ENAH: variants seen among roughly 807,000 people sequenced by gnomAD.
ENAH encodes the protein protein enabled homolog.
In ENAH, 23 loss-of-function variants were observed where a neutral mutation model predicts 78.7. The observed-to-expected ratio is 0.29, with a 90% confidence interval of 0.21 to 0.41. The LOEUF is 0.41. ENAH is among the 10% of genes least tolerant of loss of function. The pLI is 1.00. For synonymous variants in ENAH, 226 were observed against 241.0 expected (o/e 0.94, Z 0.58); for missense variants, 544 against 691.0 (o/e 0.79, Z 2.39).
At chr1:225,579,244 T>G (rs1575594252) in intron 1 of ENAH, among the ~76,000 whole-genome samples, 1 of 152,246 alleles carries the variant, frequency 6.6e-6, no homozygotes, top group African/African-American at 2.4e-5. Context: ...CTATATTAGT[T>G]CCACAAAATT....
chr1:225,634,644 T>C (rs902636978), intron 1 of ENAH, among the ~76,000 whole-genome samples: 4 of 152,228 alleles, frequency 2.6e-5, no homozygotes, highest in African/African-American at 7.2e-5. Flanking sequence ...GCGAATATCA[T>C]TTCCCTAGTG....
intron 1 of ENAH, among the ~76,000 whole-genome samples, chr1:225,588,482 T>C (rs1462227241): frequency 6.6e-6 from 1 of 152,068 alleles, no homozygotes; most frequent in African/African-American, 2.4e-5. Flanking sequence ...CACACAGCAA[T>C]GGTGAGAGTA....
chr1:225,576,705 G>C (rs1249395023), intron 1 of ENAH, among the ~76,000 whole-genome samples: 2 of 152,186 alleles, frequency 1.3e-5, no homozygotes, highest in Non-Finnish European at 2.9e-5. Flanking sequence ...CACCATAGGA[G>C]CAAGCACACA....
At chr1:225,560,031 G>A (rs2096692511) in intron 2 of ENAH, among the ~76,000 whole-genome samples, 4 of 152,150 alleles carry the variant, frequency 2.6e-5, no homozygotes, top group South Asian at 2.1e-4. Context: ...TCTGTAACTT[G>A]GCCAAAGGAG....
chr1:225,574,962 C>T (rs958667000), intron 1 of ENAH, among the ~76,000 whole-genome samples: 19 of 150,560 alleles, frequency 1.3e-4, no homozygotes, highest in Non-Finnish European at 1.2e-4. Context: ...CATTCAGATA[C>T]GAATAATAAA....
At chr1:225,604,528 A>T (rs550613730) in intron 1 of ENAH, among the ~76,000 whole-genome samples, 2 of 152,154 alleles carry the variant, frequency 1.3e-5, no homozygotes, top group African/African-American at 4.8e-5. Flanking sequence ...TCACGCCTGT[A>T]ATCTCAGCAC....
intron 1 of ENAH, chr1:225,652,218 A>C: frequency 1.8e-6 from 1 of 557,578 alleles, no homozygotes; most frequent in Non-Finnish European, 2.3e-6. Flanking sequence ...TATTACCCGC[A>C]GAGATTTCAG....
chr1:225,530,349 C>A (rs950382957), intron 4 of ENAH, among the ~76,000 whole-genome samples: 2 of 151,708 alleles, frequency 1.3e-5, no homozygotes, highest in Non-Finnish European at 2.9e-5. Flanking sequence ...CAAAAAAAAA[C>A]ACATATGAAA....
intron 3 of ENAH, 147 bp downstream of exon 3, chr1:225,554,759 A>G (rs1289693233): frequency 1.7e-6 from 1 of 591,724 alleles, no homozygotes; most frequent in South Asian, 6.1e-5. Flanking sequence ...TTCAAAAACT[A>G]CTTCAAATAT....
chr1:225,595,526 G>T (rs2096898356), intron 1 of ENAH, among the ~76,000 whole-genome samples: 1 of 152,086 alleles, frequency 6.6e-6, no homozygotes, highest in African/African-American at 2.4e-5. Context: ...ATAGTTAGGT[G>T]CCTAAAACAA....
chr1:225,605,287 T>G (rs1350407511), intron 1 of ENAH, among the ~76,000 whole-genome samples: 1 of 152,146 alleles, frequency 6.6e-6, no homozygotes, highest in African/African-American at 2.4e-5. Context: ...AAACACTACT[T>G]TGGGGAGTGG....
intron 1 of ENAH, among the ~76,000 whole-genome samples, chr1:225,642,348 G>A (rs574929060): frequency 1.8e-3 from 275 of 152,218 alleles, no homozygotes; most frequent in Admixed American, 4.1e-3. Context: ...TTTGGCCAAA[G>A]AAACATAAGC....
intron 1 of ENAH, among the ~76,000 whole-genome samples, chr1:225,639,177 A>C (rs370783506): frequency 6.6e-6 from 1 of 152,202 alleles, no homozygotes; most frequent in East Asian, 1.9e-4. Context: ...GAAAAAAATG[A>C]GTATTTGGAA....
chr1:225,632,193 C>T (rs1358079902), intron 1 of ENAH, among the ~76,000 whole-genome samples: 1 of 152,080 alleles, frequency 6.6e-6, no homozygotes, highest in Non-Finnish European at 1.5e-5. Context: ...ATAGAGAAAA[C>T]ATCTATGTAG....
chr1:225,628,558 C>T (rs1658367617), intron 1 of ENAH, among the ~76,000 whole-genome samples: 1 of 151,944 alleles, frequency 6.6e-6, no homozygotes, highest in African/African-American at 2.4e-5. Context: ...AAAAATGTAT[C>T]AAGTATAATC....
At chr1:225,597,323 C>A (rs899248472) in intron 1 of ENAH, among the ~76,000 whole-genome samples, 4 of 151,988 alleles carry the variant, frequency 2.6e-5, no homozygotes, top group African/African-American at 4.8e-5. Context: ...CGTTATTCAT[C>A]AAAAATGTCT....
At chr1:225,503,509 C>T (rs1397009732) in intron 11 of ENAH, among the ~76,000 whole-genome samples, 1 of 152,058 alleles carries the variant, frequency 6.6e-6, no homozygotes, top group Non-Finnish European at 1.5e-5. Flanking sequence ...CTCCTGGACT[C>T]AAGTGATCCT....
At chr1:225,590,217 C>T (rs1464881032) in intron 1 of ENAH, among the ~76,000 whole-genome samples, 2 of 152,070 alleles carry the variant, frequency 1.3e-5, no homozygotes, top group African/African-American at 4.8e-5. Flanking sequence ...GGCGTGGTGG[C>T]TCACGCCTAT....
intron 2 of ENAH, 31 bp downstream of exon 2, chr1:225,567,218 A>C (rs2096739358): frequency 6.2e-7 from 1 of 1,600,860 alleles, no homozygotes; most frequent in Non-Finnish European, 8.5e-7. Flanking sequence ...ATACTAAATC[A>C]TTTTTAACAA....
Sources: allele counts gnomAD v4.1 joint callset (sites outside exome capture counted in the v4.1 genomes callset), GRCh38; gene constraint gnomAD v4.1.1; transcripts MANE v1.5; gene names NCBI Gene and HGNC (gene_info 2026-07-23, HGNC 2026-07-21).